MATN2: variants seen among roughly 807,000 people sequenced by gnomAD.
MATN2 encodes matrilin-2.
MATN2 carries 69 observed loss-of-function variants against 103.2 expected under a neutral mutation model. The ratio of observed to expected loss-of-function variants is 0.67; its 90% confidence interval spans 0.55 to 0.82. MATN2 has a LOEUF of 0.82. Among genes scored for constraint, MATN2 ranks in the 40% least tolerant of loss-of-function variants. MATN2 has a pLI of 0.00. For missense variants in MATN2, 1,023 were observed against 1,211.5 expected (o/e 0.84, Z 2.31); for synonymous variants, 429 against 450.2 (o/e 0.95, Z 0.60).
intron 5 of MATN2, among the ~76,000 whole-genome samples, chr8:97,961,855 A>G (rs899570521): frequency 6.6e-6 from 1 of 152,174 alleles, no homozygotes; most frequent in Non-Finnish European, 1.5e-5. Flanking sequence ...GAATGGCCTG[A>G]CTTATATATA....
intron 5 of MATN2, among the ~76,000 whole-genome samples, chr8:97,974,542 AT>A (rs1441295859): frequency 1.3e-5 from 2 of 152,068 alleles, no homozygotes; most frequent in African/African-American, 4.8e-5. Flanking sequence ...CACCTCCCAG[AT>A]TCAAATGATT....
intron 11 of MATN2, among the ~76,000 whole-genome samples, chr8:98,016,863 GTT>G (rs1167138619): frequency 1.3e-5 from 2 of 152,196 alleles, no homozygotes; most frequent in African/African-American, 4.8e-5. Flanking sequence ...ATAGACTTTA[GTT>G]AATAATCATG....
intron 5 of MATN2, among the ~76,000 whole-genome samples, chr8:97,973,478 A>G (rs1811724719): frequency 6.6e-6 from 1 of 152,220 alleles, no homozygotes; most frequent in Non-Finnish European, 1.5e-5. Flanking sequence ...ATTTTTATTT[A>G]AAACACATAA....
intron 2 of MATN2, among the ~76,000 whole-genome samples, chr8:97,896,474 T>A (rs778842851): frequency 4.6e-5 from 7 of 152,210 alleles, no homozygotes; most frequent in Non-Finnish European, 1.0e-4. Flanking sequence ...GTCAGTAGGA[T>A]CAGGCAGGAC....
intron 5 of MATN2, 67 bp from the exon 6 acceptor site, chr8:97,978,819 C>T (rs1811923333): frequency 6.7e-7 from 1 of 1,490,848 alleles, no homozygotes; most frequent in Non-Finnish European, 9.3e-7. Flanking sequence ...ATCATTTTGC[C>T]CTCATCCTAC....
In MATN2 at chr8:98,027,585, C is replaced by T. The variant is rs1354794437; in HGVS notation, c.2112C>T (p.His704=). The part of the protein sequence containing the change: ...VGLLQYSTQV[H]TEFTLRNFNS... ...TGCTCCAGTATTCCACACAGGTCCACACAGAGTTCACTCTGAGAAACTTCA... is the reference window on the plus strand; with the variant it reads ...TGCTCCAGTATTCCACACAGGTCCATACAGAGTTCACTCTGAGAAACTTCA... The change falls in exon 14 of 19, where the codon CAC becomes CAT. Residue 704 remains histidine (H), a synonymous_variant. Coordinates refer to ENST00000254898, the MANE Select transcript of MATN2 (RefSeq NM_002380.5). The T allele has an allele frequency of 6.2e-7, 1 of 1,613,878 alleles. No individual in the cohort carries two copies. Among genetic ancestry groups the T allele is most frequent in the Admixed American group, 1.7e-5 (1 of 60,008 alleles).
chr8:97,888,517 T>C (rs1818521182), intron 2 of MATN2, among the ~76,000 whole-genome samples: 1 of 152,216 alleles, frequency 6.6e-6, no homozygotes, highest in East Asian at 1.9e-4. Context: ...CATCTGAAAA[T>C]GTCCTTGTTG....
chr8:97,965,271 T>A (rs1463161127), intron 5 of MATN2, among the ~76,000 whole-genome samples: 1 of 152,182 alleles, frequency 6.6e-6, no homozygotes, highest in African/African-American at 2.4e-5. Flanking sequence ...GCCTAGATTT[T>A]ATCTCTGAAA....
At chr8:97,978,418 ATT>A (rs1369936003) in intron 5 of MATN2, among the ~76,000 whole-genome samples, 1 of 152,176 alleles carries the variant, frequency 6.6e-6, no homozygotes, top group Non-Finnish European at 1.5e-5. Context: ...TTAATAGTTT[ATT>A]GTATATAATT....
intron 10 of MATN2, among the ~76,000 whole-genome samples, chr8:98,011,207 G>C (rs544347570): frequency 6.6e-6 from 1 of 152,216 alleles, no homozygotes; most frequent in African/African-American, 2.4e-5. Context: ...ATCCTATCAG[G>C]TCAGGATCCT....
chr8:98,019,089 A>T (rs1813481749), intron 12 of MATN2, among the ~76,000 whole-genome samples: 1 of 145,104 alleles, frequency 6.9e-6, no homozygotes, highest in Non-Finnish European at 1.5e-5. Context: ...TCTATCTTCT[A>T]TTTATATATA....
At chr8:97,887,880 C>A (rs1818491919) in intron 1 of MATN2, 195 bp from the exon 2 acceptor site, 3 of 499,792 alleles carry the variant, frequency 6.0e-6, no homozygotes, top group Non-Finnish European at 1.0e-5. Flanking sequence ...TATGCATGCC[C>A]TGCTCGGAGC....
In MATN2 at chr8:97,931,173, G is replaced by A; in HGVS notation, c.363G>A (p.Glu121=). ...LKTFKRKSEV[E]RAVKRMRHLS... is the part of the protein sequence containing the mutation. Reference sequence around the variant, plus strand: ...CCTTCAAGAGGAAGTCCGAGGTGGAGCGTGCTGTCAAGAGGATGCGGCATC... The same window carrying A: ...CCTTCAAGAGGAAGTCCGAGGTGGAACGTGCTGTCAAGAGGATGCGGCATC... Residue 121 remains glutamate (E), a synonymous_variant, in exon 3 of 19, where the codon GAG becomes GAA. Transcript: ENST00000254898. This position sits in a 1 kb window ranked among gnomAD's most constrained non-coding sequence, Gnocchi z 4.1. The A allele has an allele frequency of 6.2e-7, 1 of 1,613,684 alleles. No individual in the cohort carries two copies. Among genetic ancestry groups the A allele is most frequent in the African/African-American group, 1.3e-5 (1 of 75,050 alleles).
chr8:98,030,360 T>C (rs1206184442), intron 14 of MATN2, 102 bp from the exon 15 acceptor site: 3 of 857,520 alleles, frequency 3.5e-6, no homozygotes, highest in Non-Finnish European at 1.8e-6. Context: ...CTTCAAATCA[T>C]ACCACTTAAC....
intron 2 of MATN2, among the ~76,000 whole-genome samples, chr8:97,901,011 C>A (rs966504636): frequency 1.3e-5 from 2 of 152,128 alleles, no homozygotes; most frequent in African/African-American, 4.8e-5. Context: ...GATGAGGAAT[C>A]CTTAAATCTT....
At chr8:98,035,071 A>C (rs998551124) in intron 18 of MATN2, among the ~76,000 whole-genome samples, 1 of 152,068 alleles carries the variant, frequency 6.6e-6, no homozygotes, top group African/African-American at 2.4e-5. Context: ...TAATAAATAA[A>C]ATAAGGCCGG....
intron 4 of MATN2, among the ~76,000 whole-genome samples, chr8:97,957,263 T>A (rs949384987): frequency 2.6e-5 from 4 of 152,214 alleles, no homozygotes; most frequent in African/African-American, 9.6e-5. Flanking sequence ...CAGTGCTTCT[T>A]ATCCTTCAGT....
intron 3 of MATN2, among the ~76,000 whole-genome samples, chr8:97,937,088 G>A (rs1810398522): frequency 6.6e-6 from 1 of 152,076 alleles, no homozygotes; most frequent in Non-Finnish European, 1.5e-5. Flanking sequence ...AGCCCCTGAG[G>A]CTCACTTGTT....
intron 2 of MATN2, among the ~76,000 whole-genome samples, chr8:97,891,620 G>A (rs1818634022): frequency 6.6e-6 from 1 of 152,122 alleles, no homozygotes; most frequent in Admixed American, 6.6e-5. Flanking sequence ...TTCTAGGCGT[G>A]AGCCACTGTG....
Sources: allele counts gnomAD v4.1 joint callset (sites outside exome capture counted in the v4.1 genomes callset), GRCh38; gene constraint gnomAD v4.1.1; non-coding constraint Gnocchi (gnomAD v3.1); transcripts MANE v1.5; gene names NCBI Gene and HGNC (gene_info 2026-07-23, HGNC 2026-07-21).